PRKAG2: variants seen among roughly 807,000 people sequenced by gnomAD.
The protein encoded by PRKAG2 is 5'-AMP-activated protein kinase subunit gamma-2.
A neutral mutation model predicts 69.6 loss-of-function variants in PRKAG2; 26 were observed. That is an observed-to-expected ratio of 0.37 (90% confidence interval 0.27 to 0.52). PRKAG2 has a LOEUF of 0.52. PRKAG2 is among the 20% of genes least tolerant of loss of function. The pLI is 0.90. For synonymous variants in PRKAG2, 293 were observed against 285.0 expected, an observed-to-expected ratio of 1.03 and a Z score of -0.28; for missense variants, 557 against 740.0, an observed-to-expected ratio of 0.75 and a Z score of 2.87.
At chr7:151,565,908 C>T (rs201375674) in intron 11 of PRKAG2, 23 bp from the exon 12 acceptor site, 78 of 1,603,522 alleles carry the variant, frequency 4.9e-5, no homozygotes, top group Middle Eastern at 3.3e-4. Flanking sequence ...TAAACGCAAA[C>T]GTTCTAGACC....
At chr7:151,806,053 G>A (rs545542875) in intron 1 of PRKAG2, among the ~76,000 whole-genome samples, 1 of 152,336 alleles carries the variant, frequency 6.6e-6, no homozygotes, top group African/African-American at 2.4e-5. Flanking sequence ...GCTGGGCGTG[G>A]TGGTGGCCGC....
At chr7:151,816,681 T>C (rs1325899388) in intron 1 of PRKAG2, among the ~76,000 whole-genome samples, 1 of 152,230 alleles carries the variant, frequency 6.6e-6, no homozygotes, top group Admixed American at 6.5e-5. Context: ...CCAAACCTCC[T>C]GCAGCCTGCA....
intron 3 of PRKAG2, among the ~76,000 whole-genome samples, chr7:151,745,679 T>A (rs994678338): frequency 6.6e-6 from 1 of 152,116 alleles, no homozygotes; most frequent in African/African-American, 2.4e-5. Flanking sequence ...AACAGGGGCA[T>A]CTTGATTTTA....
intron 6 of PRKAG2, among the ~76,000 whole-genome samples, chr7:151,588,377 T>G (rs1177018884): frequency 2.0e-5 from 3 of 151,988 alleles, no homozygotes; most frequent in African/African-American, 7.3e-5. Context: ...TTTTTTTTTT[T>G]TTAAGACAGA....
At chr7:151,701,842 C>CAAATAAAAAAAA (rs1837751907) in intron 3 of PRKAG2, among the ~76,000 whole-genome samples, 1 of 92,494 alleles carries the variant, frequency 1.1e-5, no homozygotes, top group African/African-American at 4.1e-5. Flanking sequence ...GACTCTGTCT[C>CAAATAAAAAAAA]AAAAAAAAAA....
At chr7:151,679,864 A>G (rs970195316) in intron 3 of PRKAG2, among the ~76,000 whole-genome samples, 1 of 151,654 alleles carries the variant, frequency 6.6e-6, no homozygotes, top group Non-Finnish European at 1.5e-5. Flanking sequence ...CAGGAGTTTG[A>G]GACCACCTAG....
At chr7:151,654,413 C>A (rs1448435035) in intron 4 of PRKAG2, among the ~76,000 whole-genome samples, 1 of 152,198 alleles carries the variant, frequency 6.6e-6, no homozygotes, top group Non-Finnish European at 1.5e-5. Context: ...ATCAAGACTA[C>A]CTCTCACAAA....
chr7:151,876,483 A>C (rs773428142), intron 1 of PRKAG2, 24 bp downstream of exon 1: 35 of 1,578,926 alleles, frequency 2.2e-5, no homozygotes, highest in Non-Finnish European at 2.9e-5. Flanking sequence ...GCTGGGGAGC[A>C]GGGGACCGAG....
At chr7:151,769,448 AGAG>A (rs1372577711) in intron 3 of PRKAG2, among the ~76,000 whole-genome samples, 1 of 152,232 alleles carries the variant, frequency 6.6e-6, no homozygotes, top group African/African-American at 2.4e-5. Context: ...AGACACACAC[AGAG>A]GAAGGCCACA....
At chr7:151,822,421 C>A (rs561214647) in intron 1 of PRKAG2, among the ~76,000 whole-genome samples, 1 of 152,152 alleles carries the variant, frequency 6.6e-6, no homozygotes, top group African/African-American at 2.4e-5. Flanking sequence ...TGGGTGAAGG[C>A]GCTGTGGGAG....
At chr7:151,727,987 C>T (rs1011426860) in intron 3 of PRKAG2, among the ~76,000 whole-genome samples, 8 of 152,200 alleles carry the variant, frequency 5.3e-5, no homozygotes, top group African/African-American at 1.9e-4. Context: ...CCCGGACACT[C>T]CCCCAGCAGC....
At chr7:151,743,828 C>T (rs927226212) in intron 3 of PRKAG2, among the ~76,000 whole-genome samples, 2 of 152,200 alleles carry the variant, frequency 1.3e-5, no homozygotes, top group African/African-American at 2.4e-5. Context: ...GCTGTGCTGA[C>T]TGCTCCTCTG....
At chr7:151,678,694 C>T (rs971838407) in intron 3 of PRKAG2, among the ~76,000 whole-genome samples, 2 of 152,238 alleles carry the variant, frequency 1.3e-5, no homozygotes, top group African/African-American at 4.8e-5. Flanking sequence ...TGCAGTGGCT[C>T]ATGCCTATAA....
At position 151,771,822 on chromosome 7, in the gene PRKAG2, A is replaced by G. The variant is rs2076036769; in HGVS notation, c.466+9330T>C. Among the ~76,000 whole-genome samples the G allele has an allele frequency of 6.6e-6, 1 of 152,154 alleles. No individual in the cohort carries two copies. The highest frequency in any genetic ancestry group is 6.5e-5 in the Admixed American group (1 of 15,282). ...ATGATAATTGCCTCTGTCCCTTCAC[A>G]GTTTCTGGACCCGGTCGGGCTTACA... On this transcript the variant is annotated intron_variant, in intron 3 of 15. Transcript: ENST00000287878. This position sits in a 1 kb window ranked among gnomAD's most constrained non-coding sequence, Gnocchi z 4.0.
intron 14 of PRKAG2, among the ~76,000 whole-genome samples, chr7:151,563,714 T>A (rs1805595903): frequency 6.6e-6 from 1 of 152,230 alleles, no homozygotes; most frequent in South Asian, 2.1e-4. Context: ...CTATTAGCTA[T>A]GACTACAGGT....
intron 1 of PRKAG2, among the ~76,000 whole-genome samples, chr7:151,833,877 C>T (rs1332493786): frequency 6.6e-6 from 1 of 152,220 alleles, no homozygotes; most frequent in African/African-American, 2.4e-5. Context: ...AGTGCACTGG[C>T]ACACAAGCAC....
chr7:151,569,064 A>AT (rs1049098644), intron 10 of PRKAG2, among the ~76,000 whole-genome samples: 26 of 151,964 alleles, frequency 1.7e-4, no homozygotes, highest in African/African-American at 5.8e-4. Flanking sequence ...AGAAGAGGAG[A>AT]TTTTTTTTGG....
rs2076618890 is a variant in PRKAG2, at chr7:151,780,684, G to C, written c.466+468C>G. On this transcript the variant is annotated intron_variant, in intron 3 of 15. Transcript: ENST00000287878. This position sits in a 1 kb window ranked among gnomAD's most constrained non-coding sequence, Gnocchi z 4.2. ...CCAGAGCCCCAAACAGAAAAAGTTA[G>C]GATTTGCCAGAAACAGGTGTAGTCA... Among the ~76,000 whole-genome samples the C allele has an allele frequency of 6.6e-6, 1 of 152,174 alleles. No individual in the cohort carries two copies. The highest frequency in any genetic ancestry group is 2.4e-5 in the African/African-American group (1 of 41,430).
intron 1 of PRKAG2, among the ~76,000 whole-genome samples, chr7:151,832,812 C>T (rs1412564274): frequency 6.6e-6 from 1 of 152,144 alleles, no homozygotes; most frequent in African/African-American, 2.4e-5. Context: ...AAATGGGCAG[C>T]CTCCCAGAGA....
Sources: gnomAD v4.1 joint callset for allele counts (sites outside exome capture counted in the v4.1 genomes callset) on GRCh38, gnomAD v4.1.1 for gene constraint, Gnocchi (gnomAD v3.1) non-coding constraint, MANE v1.5 for transcripts, NCBI Gene and HGNC (gene_info 2026-07-23, HGNC 2026-07-21) for gene names.